LRRC4C: variants seen among roughly 807,000 people sequenced by gnomAD.
LRRC4C encodes leucine rich repeat containing 4C, also known as leucine-rich repeat-containing protein 4C.
A neutral mutation model predicts 33.6 loss-of-function variants in LRRC4C; 5 were observed. The observed-to-expected ratio is 0.15, with a 90% CI of 0.08 to 0.31. LRRC4C has a LOEUF of 0.31. Among genes scored for constraint, LRRC4C ranks in the 10% least tolerant of loss-of-function variants. The pLI, the probability that LRRC4C is intolerant of heterozygous loss-of-function variation, is 1.00. For synonymous variants in LRRC4C, 329 were observed against 302.0 expected (o/e 1.09, Z -0.93); for missense variants, 560 against 796.7 (o/e 0.70, Z 3.58).
chr11:40,457,797 T>C (rs1952206874), intron 3 of LRRC4C, among the ~76,000 whole-genome samples: 2 of 152,184 alleles, frequency 1.3e-5, no homozygotes, highest in Admixed American at 1.3e-4. Flanking sequence ...CCTCCTTCAA[T>C]TAAGTTGACT....
intron 1 of LRRC4C, among the ~76,000 whole-genome samples, chr11:41,265,162 T>C (rs1184166079): frequency 6.6e-6 from 1 of 152,184 alleles, no homozygotes; most frequent in African/African-American, 2.4e-5. Context: ...CATGGCATTA[T>C]TTTAATGGCT....
At chr11:41,219,770 A>G (rs1947223587) in intron 1 of LRRC4C, among the ~76,000 whole-genome samples, 1 of 152,220 alleles carries the variant, frequency 6.6e-6, no homozygotes, top group Admixed American at 6.5e-5. Flanking sequence ...AGTTTCAGAG[A>G]TGCAATTCTG....
chr11:41,440,491 A>T (rs989747228), intron 1 of LRRC4C, among the ~76,000 whole-genome samples: 9 of 152,060 alleles, frequency 5.9e-5, no homozygotes, highest in African/African-American at 1.4e-4. Flanking sequence ...AAGCTTTTTT[A>T]AAAAAAGCAC....
intron 1 of LRRC4C, among the ~76,000 whole-genome samples, chr11:41,415,926 G>T (rs1459245893): frequency 1.3e-5 from 2 of 151,984 alleles, no homozygotes; most frequent in African/African-American, 4.8e-5. Context: ...TTTCTGACTT[G>T]TCCAAGTCCA....
Position 41,037,181 on chromosome 11 carries a change from G to A in LRRC4C, c.-495-103458C>T, listed in dbSNP as rs1373985701. Among the ~76,000 whole-genome samples the A allele has an allele frequency of 4.0e-5, 6 of 151,636 alleles. No homozygotes were observed. In the East Asian group the frequency reaches 9.7e-4, roughly 24 times the overall value. ...AAGAGAAACAAAATATTATCTACTC[G>A]TTGCATTATAAATTAAATTAGAAAA... On this transcript the variant is annotated intron_variant, in intron 1 of 6. Coordinates refer to ENST00000528697, the MANE Select transcript of LRRC4C (RefSeq NM_001258419.2).
chr11:41,224,529 T>A (rs769197613), intron 1 of LRRC4C, among the ~76,000 whole-genome samples: 2 of 152,300 alleles, frequency 1.3e-5, no homozygotes, highest in African/African-American at 4.8e-5. Flanking sequence ...ATATTTGAAT[T>A]CCTAAGGAAG....
chr11:40,331,305 A>G (rs1269662433), intron 3 of LRRC4C, among the ~76,000 whole-genome samples: 1 of 152,196 alleles, frequency 6.6e-6, no homozygotes, highest in Admixed American at 6.5e-5. Flanking sequence ...ATCAAATATA[A>G]TCAAAGCTAA....
chr11:40,663,791 G>A (rs755847264), intron 2 of LRRC4C, among the ~76,000 whole-genome samples: 4 of 151,990 alleles, frequency 2.6e-5, no homozygotes, highest in Admixed American at 6.6e-5. Context: ...TAAAAATGAC[G>A]GAACTAAAAT....
At chr11:41,357,437 T>C (rs896738499) in intron 1 of LRRC4C, among the ~76,000 whole-genome samples, 1 of 152,124 alleles carries the variant, frequency 6.6e-6, no homozygotes, top group African/African-American at 2.4e-5. Flanking sequence ...TATTTGAAAA[T>C]TGTATTTAAG....
At chr11:41,269,906 G>T (rs1285543235) in intron 1 of LRRC4C, among the ~76,000 whole-genome samples, 1 of 152,032 alleles carries the variant, frequency 6.6e-6, no homozygotes, top group Non-Finnish European at 1.5e-5. Flanking sequence ...GCACAGAAAA[G>T]CTTTGATTCA....
chr11:40,335,751 T>G (rs1946568714), intron 3 of LRRC4C, among the ~76,000 whole-genome samples: 1 of 152,334 alleles, frequency 6.6e-6, no homozygotes, highest in East Asian at 1.9e-4. Context: ...CTTTTTGAAA[T>G]TTCCTATTTA....
At chr11:41,013,943 C>T (rs1406573711) in intron 1 of LRRC4C, among the ~76,000 whole-genome samples, 6 of 152,092 alleles carry the variant, frequency 3.9e-5, no homozygotes, top group Non-Finnish European at 8.8e-5. Context: ...AGAACTCATT[C>T]ACTATTGTGA....
chr11:41,325,217 A>G (rs958599579), intron 1 of LRRC4C, among the ~76,000 whole-genome samples: 7 of 152,188 alleles, frequency 4.6e-5, no homozygotes, highest in Admixed American at 6.6e-5. Flanking sequence ...AGGCAAAAAC[A>G]TCATGCTTCA....
chr11:41,269,232 T>G (rs1949244623), intron 1 of LRRC4C, among the ~76,000 whole-genome samples: 1 of 152,018 alleles, frequency 6.6e-6, no homozygotes, highest in African/African-American at 2.4e-5. Context: ...AAGTGCTCAG[T>G]GAGAAATAAG....
rs569092193 is a variant in LRRC4C at position 40,543,420 on chromosome 11, T to A, written c.-270+104722A>T. Among the ~76,000 whole-genome samples, 3 of 152,228 alleles carry A rather than the reference T, an allele frequency of 2.0e-5. No individual in the cohort carries two copies. In the South Asian group the frequency reaches 6.2e-4, roughly 32 times the overall value. Reference sequence around the variant, plus strand: ...CTATACACTCACCAAATCTGCACACTTTCTGAAAGCCACTGTATTATAATT... The same window carrying A: ...CTATACACTCACCAAATCTGCACACATTCTGAAAGCCACTGTATTATAATT... On this transcript the variant is annotated intron_variant, in intron 3 of 6. Transcript: ENST00000528697.
At chr11:41,062,147 G>C (rs1437137879) in intron 1 of LRRC4C, among the ~76,000 whole-genome samples, 1 of 152,170 alleles carries the variant, frequency 6.6e-6, no homozygotes, top group Non-Finnish European at 1.5e-5. Flanking sequence ...TGTTACATAG[G>C]TAAACCTGTG....
chr11:41,072,662 C>A (rs550105118), intron 1 of LRRC4C, among the ~76,000 whole-genome samples: 4 of 152,168 alleles, frequency 2.6e-5, no homozygotes, highest in African/African-American at 7.2e-5. Context: ...TGCCCAGTAT[C>A]AGGTAGTTCT....
At chr11:40,451,447 C>T (rs1210748134) in intron 3 of LRRC4C, among the ~76,000 whole-genome samples, 1 of 123,240 alleles carries the variant, frequency 8.1e-6, no homozygotes, top group Admixed American at 1.1e-4. Context: ...GTGCAGTGGC[C>T]TGATCTCTGC....
intron 1 of LRRC4C, among the ~76,000 whole-genome samples, chr11:41,216,480 G>A (rs1285302039): frequency 6.6e-6 from 1 of 151,012 alleles, no homozygotes; most frequent in African/African-American, 2.4e-5. Context: ...AAAAAAGGTA[G>A]GTAGAAACTG....
Sources: gnomAD v4.1 joint callset for allele counts (sites outside exome capture counted in the v4.1 genomes callset) on GRCh38, gnomAD v4.1.1 for gene constraint, MANE v1.5 for transcripts, NCBI Gene and HGNC (gene_info 2026-07-23, HGNC 2026-07-21) for gene names.